Variants in DCBLD2 observed in about 807,000 individuals in gnomAD.
DCBLD2 encodes the protein discoidin, CUB and LCCL domain containing 2.
Under a neutral mutation model 86.8 loss-of-function variants are expected in DCBLD2, and 54 were observed. The ratio of observed to expected loss-of-function variants is 0.62; its 90% CI spans 0.50 to 0.78. The LOEUF (loss-of-function observed/expected upper bound fraction) is 0.78, where lower values mean the gene tolerates loss of function less well. Among genes scored for constraint, DCBLD2 ranks in the 30% least tolerant of loss-of-function variants. The pLI, the probability that DCBLD2 is intolerant of heterozygous loss-of-function variation, is 0.00. For synonymous variants in DCBLD2, 354 were observed against 341.3 expected, an observed-to-expected ratio of 1.04 and a Z score of -0.41; for missense variants, 908 against 954.2, an observed-to-expected ratio of 0.95 and a Z score of 0.64.
In DCBLD2 at chr3:98,901,442, T is replaced by TCGCCTCACCCCGCGCCGGGACCCTTCCG. The variant is rs1943850640; in HGVS notation, c.-144_-117dup. 4.7e-6 allele frequency: 5 copies of TCGCCTCACCCCGCGCCGGGACCCTTCCG among 1,071,772 alleles called. No individual in the cohort carries two copies. The highest frequency in any genetic ancestry group is 1.7e-5 in the African/African-American group (1 of 59,980). 66.4% of individuals were successfully genotyped at this position (1,071,772 alleles called of 1,614,324 possible). ...GCGGCGGGAGAACAAGAGGCAGCCCTCGCCTCACCCCGCGCCGGGACCCTT... is the reference window on the plus strand; with the variant it reads ...GCGGCGGGAGAACAAGAGGCAGCCCTCGCCTCACCCCGCGCCGGGACCCTTCCGCGCCTCACCCCGCGCCGGGACCCTT... On this transcript the variant is annotated 5_prime_UTR_variant, in exon 1 of 16. Coordinates refer to ENST00000326840, the MANE Select transcript of DCBLD2 (RefSeq NM_080927.4).
intron 9 of DCBLD2, among the ~76,000 whole-genome samples, chr3:98,817,164 C>T (rs929559414): frequency 2.6e-5 from 4 of 152,202 alleles, no homozygotes; most frequent in Non-Finnish European, 5.9e-5. Flanking sequence ...TAAGACCCAT[C>T]TCTGCCTGCT....
At chr3:98,843,784 G>T (rs1232789017) in intron 3 of DCBLD2, among the ~76,000 whole-genome samples, 3 of 152,034 alleles carry the variant, frequency 2.0e-5, no homozygotes, top group Non-Finnish European at 2.9e-5. Flanking sequence ...TCTAAGGGGT[G>T]GCAGACAATG....
At chr3:98,896,371 C>A (rs1285211925) in intron 1 of DCBLD2, among the ~76,000 whole-genome samples, 3 of 152,098 alleles carry the variant, frequency 2.0e-5, no homozygotes, top group African/African-American at 7.2e-5. Context: ...AGATTTTTCT[C>A]CAGAATGAAG....
Position 98,838,416 on chromosome 3 carries a change from G to A in DCBLD2, c.571+11045C>T, listed in dbSNP as rs1181954446. ...CTCCTCACATCCCAGATGGGGCGGC[G>A]GGGCAGAGGCGCTCCCCACATCTCA... On this transcript the variant is annotated intron_variant, in intron 3 of 15. Coordinates refer to ENST00000326840, the MANE Select transcript of DCBLD2 (RefSeq NM_080927.4). Among the ~76,000 whole-genome samples, 29 of 123,442 alleles carry A rather than the reference G, an allele frequency of 2.3e-4. 1 individual carries two copies. In the East Asian group the frequency reaches 3.0e-3, roughly 13 times the overall value. The allele number at this position is 123,442 out of a possible 152,430, so 81.0% of individuals were successfully genotyped here.
chr3:98,900,475 GA>G (rs973985356), intron 1 of DCBLD2, among the ~76,000 whole-genome samples: 125 of 145,666 alleles, frequency 8.6e-4, no homozygotes, highest in East Asian at 3.4e-3. Flanking sequence ...ATTGTAGGTG[GA>G]AAAAAAAAAA....
intron 9 of DCBLD2, chr3:98,816,148 AT>A (rs2107441189): frequency 6.6e-6 from 1 of 151,248 alleles, no homozygotes; most frequent in South Asian, 2.1e-4. Flanking sequence ...CATATCACAT[AT>A]TGAGGAACAG....
rs113974987 is a variant in DCBLD2 at position 98,861,377 on chromosome 3, T to G, written c.434-11779A>C. Among the ~76,000 whole-genome samples the G allele has an allele frequency of 1.3e-3, 198 of 152,284 alleles. 1 individual carries two copies. The East Asian group carries it at 0.016, about 13-fold the overall frequency. ...AACTTAGCTCTGCACCAAGCAGACC[T>G]AACACACATCTACAGAACTCTCCAC... On this transcript the variant is annotated intron_variant, in intron 2 of 15. Coordinates refer to ENST00000326840, the MANE Select transcript of DCBLD2 (RefSeq NM_080927.4).
intron 2 of DCBLD2, among the ~76,000 whole-genome samples, chr3:98,876,268 T>A (rs1943366841): frequency 1.3e-5 from 2 of 151,690 alleles, no homozygotes; most frequent in South Asian, 4.2e-4. Context: ...GTGCCTGTCG[T>A]CCCAGCTACT....
In DCBLD2 at chr3:98,870,663, AGAG is replaced by A. The variant is rs1353028616; in HGVS notation, c.433+10874_433+10876del. Among the ~76,000 whole-genome samples, 9 of 98,272 alleles carry A rather than the reference AGAG, an allele frequency of 9.2e-5. 1 individual carries two copies. The highest frequency in any genetic ancestry group is 1.9e-4 in the Non-Finnish European group (8 of 43,072). The allele number at this position is 98,272 out of a possible 152,430, so 64.5% of individuals were successfully genotyped here. ...AGGAAGAAGAGATAGAGAAAGAGAG[AGAG>A]AGAGAGAGAGAGAAATAGAGAAAGA... On this transcript the variant is annotated intron_variant, in intron 2 of 15. Coordinates refer to ENST00000326840, the MANE Select transcript of DCBLD2 (RefSeq NM_080927.4).
chr3:98,878,780 C>A (rs1943413006), intron 2 of DCBLD2, among the ~76,000 whole-genome samples: 3 of 152,268 alleles, frequency 2.0e-5, no homozygotes, highest in East Asian at 1.9e-4. Context: ...CTTGACCTTT[C>A]TGCAGCTTTC....
intron 2 of DCBLD2, among the ~76,000 whole-genome samples, chr3:98,862,069 C>T (rs1277993097): frequency 6.6e-6 from 1 of 152,098 alleles, no homozygotes; most frequent in Admixed American, 6.5e-5. Context: ...GAGATACAAA[C>T]TACCATCAGA....
chr3:98,894,199 G>C (rs1019158089), intron 1 of DCBLD2, among the ~76,000 whole-genome samples: 1 of 152,080 alleles, frequency 6.6e-6, no homozygotes, highest in African/African-American at 2.4e-5. Context: ...GCCTAACATC[G>C]CAGATACAAA....
chr3:98,900,583 A>G (rs1943829972), intron 1 of DCBLD2: 1 of 154,506 alleles, frequency 6.5e-6, no homozygotes. Flanking sequence ...TGTTTGACCA[A>G]GGCAGTCTAG....
At chr3:98,863,564 T>C (rs545110222) in intron 2 of DCBLD2, among the ~76,000 whole-genome samples, 264 of 152,052 alleles carry the variant, frequency 1.7e-3, no homozygotes, top group Admixed American at 6.3e-3. Context: ...TACCATACAT[T>C]TACAACCATC....
Position 98,840,970 on chromosome 3 carries a change from T to C in DCBLD2, c.571+8491A>G, listed in dbSNP as rs1287681524. On this transcript the variant is annotated intron_variant, in intron 3 of 15. Coordinates refer to ENST00000326840, the MANE Select transcript of DCBLD2 (RefSeq NM_080927.4). ...TAGTAAACAGAATGCCCTCAGGGATTCTGCTGAAGCAAACTGGCATTCCCT... is the reference window on the plus strand; with the variant it reads ...TAGTAAACAGAATGCCCTCAGGGATCCTGCTGAAGCAAACTGGCATTCCCT... Among the ~76,000 whole-genome samples, 4 of 152,352 alleles carry C rather than the reference T, an allele frequency of 2.6e-5. No homozygotes were observed. The East Asian group carries it at 7.7e-4, about 29-fold the overall frequency.
chr3:98,850,788 AG>A (rs1942821485), intron 2 of DCBLD2, among the ~76,000 whole-genome samples: 2 of 152,242 alleles, frequency 1.3e-5, no homozygotes. Context: ...AAAGAAACTT[AG>A]CTAAGTCACA....
intron 2 of DCBLD2, among the ~76,000 whole-genome samples, chr3:98,859,160 G>A (rs1041021919): frequency 9.2e-5 from 14 of 152,192 alleles, no homozygotes; most frequent in Admixed American, 2.6e-4. Flanking sequence ...GAACTGCAAG[G>A]CAGCAGGAGG....
chr3:98,831,487 CA>C (rs1222310834), intron 3 of DCBLD2, among the ~76,000 whole-genome samples: 1 of 152,044 alleles, frequency 6.6e-6, no homozygotes, highest in East Asian at 1.9e-4. Flanking sequence ...TTTGATTATA[CA>C]TATTCTGCTA....
chr3:98,814,778 T>TA (rs1941992689), intron 9 of DCBLD2: 2 of 152,346 alleles, frequency 1.3e-5, no homozygotes, highest in East Asian at 3.9e-4. Flanking sequence ...TGTTAATTCA[T>TA]ACAATTCAAT....
Sources: allele counts gnomAD v4.1 joint callset (sites outside exome capture counted in the v4.1 genomes callset), GRCh38; gene constraint gnomAD v4.1.1; transcripts MANE v1.5; gene names NCBI Gene and HGNC (gene_info 2026-07-23, HGNC 2026-07-21).